Variants in VPS54 observed in about 807,000 individuals in gnomAD.
VPS54 encodes VPS54 subunit of GARP complex.
A neutral mutation model predicts 121.5 loss-of-function variants in VPS54; 45 were observed. The ratio of observed to expected loss-of-function variants is 0.37; its 90% confidence interval spans 0.29 to 0.47. The LOEUF is 0.47. Among genes scored for constraint, VPS54 ranks in the 20% least tolerant of loss-of-function variants. The probability of loss-of-function intolerance (pLI) is 0.99; values close to 1 mark genes in which losing one functional copy is unlikely to be tolerated. For synonymous variants in VPS54, 371 were observed against 385.8 expected (o/e 0.96, Z 0.45); for missense variants, 1,090 against 1,131.4 (o/e 0.96, Z 0.52).
chr2:63,903,594 C>G (rs538067665), intron 20 of VPS54, among the ~76,000 whole-genome samples: 3 of 151,718 alleles, frequency 2.0e-5, no homozygotes, highest in African/African-American at 7.3e-5. Flanking sequence ...TTATAAAATA[C>G]GTAGAAGTAA....
At chr2:63,939,403 A>G (rs928858978) in intron 11 of VPS54, among the ~76,000 whole-genome samples, 6 of 152,072 alleles carry the variant, frequency 3.9e-5, no homozygotes, top group Non-Finnish European at 8.8e-5. Flanking sequence ...AAAGCGTAAT[A>G]CTAAAGTGAC....
chr2:63,913,420 AAATG>A (rs1230136010), intron 17 of VPS54, 110 bp from the exon 18 acceptor site: 5 of 657,804 alleles, frequency 7.6e-6, no homozygotes, highest in Non-Finnish European at 1.0e-5. Context: ...TTCAATGGCC[AAATG>A]AATTATCTAG....
intron 12 of VPS54, among the ~76,000 whole-genome samples, chr2:63,925,950 A>AG (rs1200223504): frequency 6.6e-6 from 1 of 152,222 alleles, no homozygotes; most frequent in Non-Finnish European, 1.5e-5. Flanking sequence ...TATAATTGCT[A>AG]CATTTTCCCA....
At chr2:63,898,454 A>G (rs1272505868) in intron 21 of VPS54, among the ~76,000 whole-genome samples, 1 of 152,182 alleles carries the variant, frequency 6.6e-6, no homozygotes, top group Admixed American at 6.6e-5. Context: ...ATATTTATTC[A>G]TGAGTTTGGT....
rs553825559 is a variant in VPS54 at position 63,934,100 on chromosome 2, G to A, written c.1399-87C>T. 6.0e-4 allele frequency: 719 copies of A among 1,193,746 alleles called. 1 individual carries two copies. Among genetic ancestry groups the A allele is most frequent in the Non-Finnish European group, 7.9e-4 (680 of 864,494 alleles). 73.9% of individuals were successfully genotyped at this position (1,193,746 alleles called of 1,614,324 possible). A position where few individuals can be genotyped will look rare whatever the true frequency, so the allele number is the denominator to read the frequency against. ...AAGAGAATTCTGTGCATGTAATTTT[G>A]GACATCTATAATCATAAATGAGTCA... is the stretch of plus-strand genomic sequence containing the variant. On this transcript the variant is annotated intron_variant, in intron 11 of 22. Transcript: ENST00000272322.
chr2:63,984,940 A>G (rs748312085), intron 1 of VPS54, among the ~76,000 whole-genome samples: 1 of 152,228 alleles, frequency 6.6e-6, no homozygotes, highest in Admixed American at 6.5e-5. Flanking sequence ...CCCAGAAAGA[A>G]TATGAGGTTT....
chr2:63,920,534 T>G lies in VPS54; in HGVS notation c.1963A>C (p.Arg655=). 1 of 1,592,508 alleles carries G rather than the reference T, an allele frequency of 6.3e-7. No homozygotes were observed. Among genetic ancestry groups the G allele is most frequent in the Non-Finnish European group, 8.5e-7 (1 of 1,170,014 alleles). The change falls in exon 14 of 23, where the codon AGA becomes CGA. Residue 655 remains arginine, a synonymous_variant. Transcript: ENST00000272322. Reference sequence around the variant, plus strand: ...GCTCCAAGTAATGACGTGCTTTTTCTTCCACAGATCTGTTCGGTGTCTAAA... The same window carrying G: ...GCTCCAAGTAATGACGTGCTTTTTCGTCCACAGATCTGTTCGGTGTCTAAA... ...FILDTEQICG[R]KSTSLLGALQ...
chr2:63,933,274 T>C (rs1016378791), intron 12 of VPS54, among the ~76,000 whole-genome samples: 1 of 151,602 alleles, frequency 6.6e-6, no homozygotes, highest in African/African-American at 2.4e-5. Context: ...CAAACAGATC[T>C]TCACAACATA....
At chr2:63,963,329 T>C (rs1252502591) in intron 6 of VPS54, among the ~76,000 whole-genome samples, 3 of 152,160 alleles carry the variant, frequency 2.0e-5, no homozygotes, top group Admixed American at 6.5e-5. Flanking sequence ...GCTTTCTAAA[T>C]TTCAAATATG....
intron 5 of VPS54, among the ~76,000 whole-genome samples, chr2:63,968,431 G>T (rs112946136): frequency 6.6e-6 from 1 of 150,894 alleles, no homozygotes; most frequent in Admixed American, 6.6e-5. Context: ...AAAGAAAAAG[G>T]CCAGGCATGG....
At chr2:63,934,685 C>CAA (rs61270908) in intron 11 of VPS54, among the ~76,000 whole-genome samples, 2 of 151,918 alleles carry the variant, frequency 1.3e-5, no homozygotes, top group African/African-American at 4.8e-5. Flanking sequence ...AAACAAAAAA[C>CAA]AAAAAAACCC....
intron 6 of VPS54, 98 bp downstream of exon 6, chr2:63,965,737 A>G: frequency 6.7e-7 from 1 of 1,496,346 alleles, no homozygotes; most frequent in Non-Finnish European, 9.0e-7. Flanking sequence ...AAATGAATTT[A>G]AAAGTACAGC....
At chr2:63,976,880 G>C (rs1676561107) in intron 3 of VPS54, among the ~76,000 whole-genome samples, 1 of 137,280 alleles carries the variant, frequency 7.3e-6, no homozygotes, top group Non-Finnish European at 1.5e-5. Context: ...CCAGGCTGGA[G>C]TGCAATGGCA....
At chr2:63,911,741 T>C (rs971151270) in intron 20 of VPS54, among the ~76,000 whole-genome samples, 1 of 152,218 alleles carries the variant, frequency 6.6e-6, no homozygotes, top group Non-Finnish European at 1.5e-5. Context: ...AAATATGATC[T>C]TGGACAGACA....
chr2:63,896,002 T>C (rs565722615), intron 22 of VPS54, among the ~76,000 whole-genome samples: 2 of 152,344 alleles, frequency 1.3e-5, no homozygotes, highest in South Asian at 4.1e-4. Flanking sequence ...TTATTAGCTT[T>C]TTTTGAACAG....
intron 11 of VPS54, 42 bp downstream of exon 11, chr2:63,942,421 CTT>C: frequency 7.3e-7 from 1 of 1,368,974 alleles, no homozygotes; most frequent in East Asian, 2.6e-5. Context: ...AGAAAGCTGA[CTT>C]AATTTTAGGG....
At chr2:63,990,845 G>T (rs1303368223) in intron 1 of VPS54, among the ~76,000 whole-genome samples, 2 of 152,170 alleles carry the variant, frequency 1.3e-5, no homozygotes, top group African/African-American at 4.8e-5. Context: ...CTTTTTAAAA[G>T]AATTTAAGGA....
chr2:63,896,801 A>C (rs1391331134), intron 22 of VPS54, among the ~76,000 whole-genome samples: 2 of 152,190 alleles, frequency 1.3e-5, no homozygotes, highest in Non-Finnish European at 2.9e-5. Flanking sequence ...TCAGTGCTTT[A>C]AATTTTATAA....
At chr2:63,936,052 C>G (rs1006673224) in intron 11 of VPS54, among the ~76,000 whole-genome samples, 2 of 152,134 alleles carry the variant, frequency 1.3e-5, no homozygotes, top group Non-Finnish European at 2.9e-5. Context: ...GCTGGAGAAC[C>G]AAGACAAAAC....
Sources: gnomAD v4.1 joint callset for allele counts (sites outside exome capture counted in the v4.1 genomes callset) on GRCh38, gnomAD v4.1.1 for gene constraint, MANE v1.5 for transcripts, NCBI Gene and HGNC (gene_info 2026-07-23, HGNC 2026-07-21) for gene names.